Variants in PTPRT observed in about 807,000 individuals in gnomAD.
The protein encoded by PTPRT is receptor-type tyrosine-protein phosphatase T.
PTPRT carries 56 observed loss-of-function variants against 176.8 expected under a neutral mutation model. The observed-to-expected ratio is 0.32, with a 90% CI of 0.26 to 0.40. The LOEUF (loss-of-function observed/expected upper bound fraction) is 0.40, where lower values mean the gene tolerates loss of function less well. Among genes scored for constraint, PTPRT ranks in the 10% least tolerant of loss-of-function variants. The pLI is 1.00. For synonymous variants in PTPRT, 783 were observed against 739.0 expected (o/e 1.06, Z -0.96); for missense variants, 1,540 against 1,908.2 (o/e 0.81, Z 3.60).
chr20:42,149,835 T>C (rs1287268098), intron 17 of PTPRT, among the ~76,000 whole-genome samples: 1 of 152,186 alleles, frequency 6.6e-6, no homozygotes, highest in Admixed American at 6.5e-5. Context: ...TTATAGATTT[T>C]AGAATAAAAT....
At chr20:43,077,361 A>G (rs75474430) in intron 1 of PTPRT, among the ~76,000 whole-genome samples, 60 of 152,326 alleles carry the variant, frequency 3.9e-4, no homozygotes, top group African/African-American at 1.4e-3. Context: ...GCTGAATCCA[A>G]GTGGAAATGG....
intron 1 of PTPRT, among the ~76,000 whole-genome samples, chr20:42,907,683 C>G (rs993631648): frequency 6.6e-6 from 1 of 152,128 alleles, no homozygotes; most frequent in Non-Finnish European, 1.5e-5. Flanking sequence ...GATGCTCAAC[C>G]TGGGTGTCCT....
At chr20:42,047,151 A>T in the PTPRT span, among the ~76,000 whole-genome samples, 1 of 152,334 alleles carries the variant, frequency 6.6e-6, no homozygotes, top group Admixed American at 6.5e-5. Flanking sequence ...GTTGCCTTAA[A>T]CACGTAATGT....
intron 9 of PTPRT, among the ~76,000 whole-genome samples, chr20:42,430,738 A>T (rs190789954): frequency 6.6e-6 from 1 of 152,316 alleles, no homozygotes; most frequent in Admixed American, 6.5e-5. Context: ...TGATGAGGCA[A>T]GAGTGTCTCC....
chr20:42,780,345 G>T, intron 3 of PTPRT, 46 bp from the exon 4 acceptor site: 1 of 1,484,074 alleles, frequency 6.7e-7, no homozygotes, highest in Non-Finnish European at 9.4e-7. Flanking sequence ...ACAGTTGCAG[G>T]CATTCATCAC....
Position 43,189,282 on chromosome 20 carries a change from G to T in PTPRT, c.88+364C>A, listed in dbSNP as rs1326316508. On this transcript the variant is annotated intron_variant, in intron 1 of 30. Transcript: ENST00000373187. The surrounding 1 kb of genome is among the most constrained non-coding windows in gnomAD (Gnocchi z 5.0). ...AGAGAACGCTCCACCCCGGGCGTCG[G>T]TGCCGCTCCTCGTCTCGCCGCCCCA... 6.6e-6 allele frequency among the ~76,000 whole-genome samples: 1 copy of T among 152,176 alleles called. No homozygotes were observed. The highest frequency in any genetic ancestry group is 1.5e-5 in the Non-Finnish European group (1 of 68,028).
At chr20:43,078,654 G>A (rs955084655) in intron 1 of PTPRT, among the ~76,000 whole-genome samples, 5 of 152,142 alleles carry the variant, frequency 3.3e-5, no homozygotes, top group Non-Finnish European at 7.3e-5. Flanking sequence ...TCAAACAAAC[G>A]CTTTCCACTT....
intron 1 of PTPRT, among the ~76,000 whole-genome samples, chr20:42,912,042 A>ATTTCCT (rs1199607314): frequency 6.6e-6 from 1 of 151,220 alleles, no homozygotes; most frequent in Non-Finnish European, 1.5e-5. Flanking sequence ...ACCCTAGGAA[A>ATTTCCT]TATCCACATT....
At chr20:43,165,822 A>G (rs144537318) in intron 1 of PTPRT, among the ~76,000 whole-genome samples, 2 of 152,260 alleles carry the variant, frequency 1.3e-5, no homozygotes, top group Admixed American at 6.5e-5. Context: ...AACTTCCTTG[A>G]AAAAAATGTG....
At chr20:43,102,745 C>T (rs1404307767) in intron 1 of PTPRT, among the ~76,000 whole-genome samples, 1 of 152,156 alleles carries the variant, frequency 6.6e-6, no homozygotes, top group Non-Finnish European at 1.5e-5. Context: ...CACGCTGGTA[C>T]CTATGGCAGG....
At chr20:43,096,931 T>C (rs1320155893) in intron 1 of PTPRT, among the ~76,000 whole-genome samples, 1 of 152,076 alleles carries the variant, frequency 6.6e-6, no homozygotes, top group African/African-American at 2.4e-5. Context: ...ACAGGCAGGA[T>C]TGCAAGGATG....
At chr20:42,082,058 C>T (rs1319322221) in intron 29 of PTPRT, 41 bp from the exon 30 acceptor site, 1 of 1,612,624 alleles carries the variant, frequency 6.2e-7, no homozygotes, top group African/African-American at 1.3e-5. Flanking sequence ...TCCTAGGTCC[C>T]TTCCAGGCAC....
At chr20:42,551,617 G>T (rs1308114622) in intron 7 of PTPRT, among the ~76,000 whole-genome samples, 8 of 152,128 alleles carry the variant, frequency 5.3e-5, no homozygotes, top group Non-Finnish European at 1.2e-4. Context: ...ATCTGTGATA[G>T]AAAGAAGTTT....
intron 7 of PTPRT, among the ~76,000 whole-genome samples, chr20:42,622,485 C>A (rs1030354833): frequency 3.3e-5 from 5 of 152,086 alleles, no homozygotes; most frequent in African/African-American, 1.2e-4. Flanking sequence ...CCTGTTCCAC[C>A]CACCTTGACT....
At chr20:42,225,800 G>A (rs2055995212) in intron 15 of PTPRT, among the ~76,000 whole-genome samples, 1 of 152,128 alleles carries the variant, frequency 6.6e-6, no homozygotes, top group Non-Finnish European at 1.5e-5. Context: ...CTGGAGGTGT[G>A]CACCACCCCA....
At chr20:42,118,200 T>C (rs745507002) in intron 21 of PTPRT, among the ~76,000 whole-genome samples, 1 of 151,534 alleles carries the variant, frequency 6.6e-6, no homozygotes, top group Non-Finnish European at 1.5e-5. Flanking sequence ...CAACGGAGAG[T>C]GAGGGTGTAA....
intron 18 of PTPRT, among the ~76,000 whole-genome samples, chr20:42,137,933 A>G (rs1220229324): frequency 1.3e-5 from 2 of 152,174 alleles, no homozygotes; most frequent in Non-Finnish European, 2.9e-5. Context: ...GTCTCAGAAA[A>G]TGTGCTGATA....
At chr20:42,364,813 G>T (rs6030170) in intron 9 of PTPRT, among the ~76,000 whole-genome samples, 22,452 of 152,158 alleles carry the variant, frequency 0.15, 2,001 homozygotes, top group East Asian at 0.32. Flanking sequence ...GAAAGGAGAT[G>T]GGAGCAGGAG....
chr20:42,889,023 G>T (rs902298244), intron 1 of PTPRT, among the ~76,000 whole-genome samples: 1 of 152,144 alleles, frequency 6.6e-6, no homozygotes, highest in African/African-American at 2.4e-5. Context: ...CCAGGTTACA[G>T]ATCCCAGGCA....
Sources: allele counts gnomAD v4.1 joint callset (sites outside exome capture counted in the v4.1 genomes callset), GRCh38; gene constraint gnomAD v4.1.1; non-coding constraint Gnocchi (gnomAD v3.1); transcripts MANE v1.5; gene names NCBI Gene and HGNC (gene_info 2026-07-23, HGNC 2026-07-21).